Variants in NOL4 observed in about 807,000 individuals in gnomAD.
NOL4 encodes nucleolar protein 4.
In NOL4, 17 loss-of-function variants were observed where a neutral mutation model predicts 75.9. The ratio of observed to expected loss-of-function variants is 0.22; its 90% CI spans 0.15 to 0.34. The LOEUF is 0.34. Ranked by LOEUF, NOL4 falls within the 10% of genes least tolerant of loss-of-function variation. The pLI is 1.00. For synonymous variants in NOL4, 292 were observed against 289.9 expected (o/e 1.01, Z -0.07); for missense variants, 614 against 793.5 (o/e 0.77, Z 2.72).
At chr18:34,089,233 T>A (rs2078389599) in intron 5 of NOL4, among the ~76,000 whole-genome samples, 2 of 152,144 alleles carry the variant, frequency 1.3e-5, no homozygotes, top group African/African-American at 4.8e-5. Flanking sequence ...ATGTCCTACT[T>A]CAATTTCTCT....
chr18:34,166,237 A>T (rs966400323), intron 1 of NOL4, among the ~76,000 whole-genome samples: 4 of 152,158 alleles, frequency 2.6e-5, no homozygotes, highest in Admixed American at 2.6e-4. Flanking sequence ...AGTTTATCTG[A>T]GCCAGTGGAT....
chr18:33,882,264 A>G (rs935693089), intron 10 of NOL4, among the ~76,000 whole-genome samples: 1 of 152,178 alleles, frequency 6.6e-6, no homozygotes, highest in Admixed American at 6.6e-5. Context: ...CAGAGTGAAC[A>G]GGCAGCCTAC....
chr18:34,019,981 TTCTC>T (rs146516181), intron 5 of NOL4, among the ~76,000 whole-genome samples: 1 of 151,104 alleles, frequency 6.6e-6, no homozygotes, highest in Non-Finnish European at 1.5e-5. Flanking sequence ...CTGGCACCTC[TTCTC>T]TCTCTCTCTT....
At chr18:33,924,718 C>T (rs2067227730) in intron 9 of NOL4, among the ~76,000 whole-genome samples, 1 of 152,094 alleles carries the variant, frequency 6.6e-6, no homozygotes. Flanking sequence ...CATCTGGAGG[C>T]CATTACAATG....
chr18:34,096,569 T>C (rs2078790717), intron 4 of NOL4, among the ~76,000 whole-genome samples: 1 of 152,144 alleles, frequency 6.6e-6, no homozygotes, highest in Non-Finnish European at 1.5e-5. Context: ...TGATATTAAG[T>C]ATTTTATTCA....
chr18:33,976,428 G>C (rs112184112), intron 6 of NOL4, among the ~76,000 whole-genome samples: 1 of 152,228 alleles, frequency 6.6e-6, no homozygotes, highest in South Asian at 2.1e-4. Flanking sequence ...GTCAATCCTA[G>C]ATTTAACTCC....
chr18:33,853,411 AC>A (rs2062705759), intron 10 of NOL4, among the ~76,000 whole-genome samples: 1 of 152,118 alleles, frequency 6.6e-6, no homozygotes, highest in African/African-American at 2.4e-5. Flanking sequence ...TTCATTTGTT[AC>A]ATTCATTAAC....
intron 5 of NOL4, among the ~76,000 whole-genome samples, chr18:34,045,109 C>A (rs761460824): frequency 6.6e-6 from 1 of 152,032 alleles, no homozygotes; most frequent in Non-Finnish European, 1.5e-5. Context: ...GACAGAGGCT[C>A]ACTCTGTTGA....
At chr18:34,060,955 C>T (rs1047401038) in intron 5 of NOL4, among the ~76,000 whole-genome samples, 1 of 152,160 alleles carries the variant, frequency 6.6e-6, no homozygotes, top group African/African-American at 2.4e-5. Flanking sequence ...TGCCTTGCTG[C>T]TTGATGTAGT....
chr18:34,033,864 T>C (rs1378599119), intron 5 of NOL4, among the ~76,000 whole-genome samples: 3 of 151,922 alleles, frequency 2.0e-5, no homozygotes, highest in Non-Finnish European at 4.4e-5. Context: ...AGAAATCTTA[T>C]GGGCCAGTAG....
intron 9 of NOL4, among the ~76,000 whole-genome samples, chr18:33,898,089 T>C (rs1227556841): frequency 2.0e-5 from 3 of 152,062 alleles, no homozygotes; most frequent in African/African-American, 7.2e-5. Flanking sequence ...TATTTTTTAA[T>C]TTTTGTAGAG....
intron 1 of NOL4, among the ~76,000 whole-genome samples, chr18:34,195,645 A>G (rs900410454): frequency 6.6e-6 from 1 of 151,654 alleles, no homozygotes; most frequent in Non-Finnish European, 1.5e-5. Flanking sequence ...AAAAAAAGCT[A>G]TTTAAATTTA....
chr18:33,960,948 C>G (rs1160890657), intron 6 of NOL4, among the ~76,000 whole-genome samples: 1 of 151,930 alleles, frequency 6.6e-6, no homozygotes, highest in Non-Finnish European at 1.5e-5. Flanking sequence ...ATGAATTTCC[C>G]CTGAGCCAAT....
chr18:34,116,133 T>C (rs1458741613), intron 2 of NOL4, among the ~76,000 whole-genome samples: 1 of 152,174 alleles, frequency 6.6e-6, no homozygotes, highest in Non-Finnish European at 1.5e-5. Context: ...ATAAAAGTAA[T>C]TTAACCACAG....
intron 6 of NOL4, among the ~76,000 whole-genome samples, chr18:33,999,732 A>C: frequency 6.6e-6 from 1 of 152,030 alleles, no homozygotes; most frequent in East Asian, 1.9e-4. Context: ...GCTCACTGCA[A>C]CCTCTGCCTC....
At chr18:33,939,617 T>C (rs1006314702) in intron 9 of NOL4, among the ~76,000 whole-genome samples, 44 of 152,288 alleles carry the variant, frequency 2.9e-4, no homozygotes, top group African/African-American at 1.0e-3. Flanking sequence ...TTTTGCACAT[T>C]GATTTTATAT....
chr18:34,048,807 G>A (rs2076499800), intron 5 of NOL4, among the ~76,000 whole-genome samples: 1 of 151,984 alleles, frequency 6.6e-6, no homozygotes, highest in Non-Finnish European at 1.5e-5. Context: ...TTGCTACAGG[G>A]AGATCACTGG....
At chr18:33,899,148 A>T (rs530052568) in intron 9 of NOL4, among the ~76,000 whole-genome samples, 4 of 152,114 alleles carry the variant, frequency 2.6e-5, no homozygotes, top group Non-Finnish European at 5.9e-5. Context: ...ACAAGTAACA[A>T]TGTTGTGTTG....
intron 6 of NOL4, among the ~76,000 whole-genome samples, chr18:33,991,164 C>A (rs955902952): frequency 1.3e-5 from 2 of 151,834 alleles, no homozygotes; most frequent in Non-Finnish European, 2.9e-5. Flanking sequence ...ACTAGCTTAC[C>A]CCTCCACCTC....
Sources: gnomAD v4.1 joint callset for allele counts (sites outside exome capture counted in the v4.1 genomes callset) on GRCh38, gnomAD v4.1.1 for gene constraint, MANE v1.5 for transcripts, NCBI Gene and HGNC (gene_info 2026-07-23, HGNC 2026-07-21) for gene names.